Variants in ABCC1 observed in about 807,000 individuals in gnomAD.
ABCC1 encodes the protein ATP binding cassette subfamily C member 1 (ABCC1 blood group), also known as multidrug resistance-associated protein 1.
ABCC1 carries 83 observed loss-of-function variants against 172.9 expected under a neutral mutation model. The observed-to-expected ratio is 0.48, with a 90% CI of 0.40 to 0.58. The LOEUF (loss-of-function observed/expected upper bound fraction) is 0.58. Ranked by LOEUF, ABCC1 falls within the 20% of genes least tolerant of loss-of-function variation. The pLI, the probability that ABCC1 is intolerant of heterozygous loss-of-function variation, is 0.00. For missense variants in ABCC1, 1,817 were observed against 2,002.7 expected (o/e 0.91, Z 1.77); for synonymous variants, 937 against 825.2 (o/e 1.14, Z -2.32).
chr16:15,950,010 C>T (rs1183743411), intron 1 of ABCC1, among the ~76,000 whole-genome samples: 2 of 151,854 alleles, frequency 1.3e-5, no homozygotes, highest in Non-Finnish European at 1.5e-5. Context: ...CGGAGCAGAG[C>T]GTGGGGGGCC....
intron 20 of ABCC1, chr16:16,105,288 C>T (rs1010469521): frequency 2.6e-5 from 4 of 152,306 alleles, no homozygotes; most frequent in African/African-American, 4.8e-5. Flanking sequence ...TGTGTGAAGT[C>T]CTAGGTCATG....
chr16:16,139,847 A>G (rs2046065896), intron 30 of ABCC1, among the ~76,000 whole-genome samples: 1 of 152,084 alleles, frequency 6.6e-6, no homozygotes, highest in Non-Finnish European at 1.5e-5. Flanking sequence ...GAACAATGAA[A>G]AGGAGTCAGC....
chr16:16,016,413 A>G, intron 4 of ABCC1, 83 bp from the exon 5 acceptor site: 7 of 1,561,344 alleles, frequency 4.5e-6, no homozygotes, highest in South Asian at 1.2e-5. Flanking sequence ...CTCGGCCTCC[A>G]AAAGTGCTAG....
chr16:16,020,676 CT>C (rs890972800), intron 5 of ABCC1, among the ~76,000 whole-genome samples: 4 of 152,150 alleles, frequency 2.6e-5, no homozygotes, highest in Non-Finnish European at 5.9e-5. Context: ...GCTCTGATGA[CT>C]TTTTAGCTTC....
chr16:15,974,241 C>G (rs537608103), intron 1 of ABCC1, among the ~76,000 whole-genome samples: 1 of 152,234 alleles, frequency 6.6e-6, no homozygotes, highest in East Asian at 1.9e-4. Context: ...TATTTATTTT[C>G]TCCTGTCTGC....
chr16:15,979,468 G>C (rs577225312), intron 1 of ABCC1, among the ~76,000 whole-genome samples: 1 of 152,172 alleles, frequency 6.6e-6, no homozygotes, highest in African/African-American at 2.4e-5. Flanking sequence ...ATTGCGTATA[G>C]CCAAAATGAC....
rs28363996 is a variant in ABCC1 at position 16,124,798 on chromosome 16, C to T, written c.3600C>T (p.Ala1200=). ...YPSIVANRWL[A]VRLECVGNCI... ...GTGTGTCTTGGCGCAGGTGGCTGGCCGTGCGGCTGGAGTGTGTGGGCAACT... is the reference window on the plus strand; with the variant it reads ...GTGTGTCTTGGCGCAGGTGGCTGGCTGTGCGGCTGGAGTGTGTGGGCAACT... The change falls in exon 25 of 31, where the codon GCC becomes GCT. Residue 1200 remains alanine, a synonymous_variant. Transcript: ENST00000399410. The T allele has an allele frequency of 2.6e-4, 418 of 1,614,094 alleles. No individual in the cohort carries two copies. The African/African-American group carries it at 3.9e-3, about 15-fold the overall frequency.
intron 7 of ABCC1, 71 bp downstream of exon 7, chr16:16,036,674 G>A: frequency 6.5e-7 from 1 of 1,529,962 alleles, no homozygotes; most frequent in Non-Finnish European, 8.9e-7. Flanking sequence ...CCTCAATCCA[G>A]GATGGGGCCC....
At chr16:16,051,495 C>T (rs918182440) in intron 10 of ABCC1, among the ~76,000 whole-genome samples, 3 of 152,040 alleles carry the variant, frequency 2.0e-5, no homozygotes, top group South Asian at 2.1e-4. Context: ...GTTAATACAG[C>T]AAAATTAGCA....
chr16:16,004,886 G>A lies in ABCC1; in HGVS notation c.49-2930G>A, dbSNP rs146774047. ...TGGGGGGTTCTTGCCATGTTGGCCGGGCTTGTCTCAGACTCCTGACTGCCT... is the reference window on the plus strand; with the variant it reads ...TGGGGGGTTCTTGCCATGTTGGCCGAGCTTGTCTCAGACTCCTGACTGCCT... On this transcript the variant is annotated intron_variant, in intron 1 of 30. Transcript: ENST00000399410. Among the ~76,000 whole-genome samples the A allele has an allele frequency of 4.6e-5, 7 of 151,852 alleles. No homozygotes were observed. The East Asian group carries it at 1.4e-3, about 29-fold the overall frequency.
intron 1 of ABCC1, among the ~76,000 whole-genome samples, chr16:15,986,064 A>G (rs934257133): frequency 4.0e-5 from 6 of 151,554 alleles, no homozygotes; most frequent in African/African-American, 1.5e-4. Flanking sequence ...CTTCCTGAGT[A>G]GCTGGGATTA....
At chr16:15,978,778 A>G (rs1329849561) in intron 1 of ABCC1, among the ~76,000 whole-genome samples, 1 of 152,164 alleles carries the variant, frequency 6.6e-6, no homozygotes, top group Non-Finnish European at 1.5e-5. Context: ...TCTGCCTCTC[A>G]GAGGACGTTC....
intron 5 of ABCC1, among the ~76,000 whole-genome samples, chr16:16,027,270 T>A (rs1440591166): frequency 2.0e-5 from 3 of 152,128 alleles, no homozygotes; most frequent in Non-Finnish European, 4.4e-5. Flanking sequence ...TACTTGAGGC[T>A]TTGCATCCCA....
At chr16:16,016,149 G>GTTTTTT (rs71137903) in intron 4 of ABCC1, among the ~76,000 whole-genome samples, 10 of 84,290 alleles carry the variant, frequency 1.2e-4, no homozygotes, top group Non-Finnish European at 1.7e-4. Context: ...TGTGATCTTG[G>GTTTTTT]TTTTTTTTTT....
At chr16:16,027,639 T>A (rs1299137704) in intron 5 of ABCC1, among the ~76,000 whole-genome samples, 1 of 152,042 alleles carries the variant, frequency 6.6e-6, no homozygotes, top group Non-Finnish European at 1.5e-5. Context: ...AGAGTGAAAT[T>A]CTGTCTCTAC....
chr16:16,057,294 G>A (rs1430053735), intron 12 of ABCC1, among the ~76,000 whole-genome samples: 1 of 151,332 alleles, frequency 6.6e-6, no homozygotes, highest in Admixed American at 6.6e-5. Flanking sequence ...GGGAGGCTGA[G>A]GTTGCAGTGA....
rs761710244 is a variant in ABCC1, at chr16:16,106,969, C to T, written c.2871+96C>T. The T allele has an allele frequency of 3.3e-5, 50 of 1,510,228 alleles. No homozygotes were observed. In the Middle Eastern group the frequency reaches 8.1e-4, roughly 24 times the overall value. 93.6% of individuals were successfully genotyped at this position (1,510,228 alleles called of 1,614,324 possible). On this transcript the variant is annotated intron_variant, in intron 21 of 30. Coordinates refer to ENST00000399410, the MANE Select transcript of ABCC1 (RefSeq NM_004996.4). ...GCAAAGTGCCTTGTCTATGTTAACT[C>T]ACCTGTCCATCACAACACACCTGTG... is the stretch of plus-strand genomic sequence containing the variant.
intron 1 of ABCC1, among the ~76,000 whole-genome samples, chr16:15,967,776 CA>C (rs61642630): frequency 9.8e-5 from 10 of 101,710 alleles, no homozygotes; most frequent in South Asian, 5.5e-4. Flanking sequence ...AAAAAAACAA[CA>C]AAAAAAAAAC....
Position 16,048,271 on chromosome 16 carries a change from C to T in ABCC1, c.1348C>T (p.Gln450Ter). 1 of 1,614,152 alleles carries T rather than the reference C, an allele frequency of 6.2e-7. No individual in the cohort carries two copies. Among genetic ancestry groups the T allele is most frequent in the Non-Finnish European group, 8.5e-7 (1 of 1,179,998 alleles). Residue 450 changes from glutamine to a stop codon, truncating the protein, a stop_gained, in exon 10 of 31, where the codon CAA (glutamine) becomes TAA (stop). Coordinates refer to ENST00000399410, the MANE Select transcript of ABCC1 (RefSeq NM_004996.4). LOFTEE classifies it high-confidence loss of function. ...TAACATGATCTGGTCAGCCCCCCTG[C>T]AAGTCATCCTTGCTCTCTACCTCCT... ...YINMIWSAPL[Q>*]VILALYLLWL...
Sources: gnomAD v4.1 joint callset for allele counts (sites outside exome capture counted in the v4.1 genomes callset) on GRCh38, gnomAD v4.1.1 for gene constraint, MANE v1.5 for transcripts, NCBI Gene and HGNC (gene_info 2026-07-23, HGNC 2026-07-21) for gene names.